Variants in WNT7B observed in about 807,000 individuals in gnomAD.
WNT7B encodes the protein Wnt family member 7B.
In WNT7B, 19 loss-of-function variants were observed where a neutral mutation model predicts 38.2. The observed-to-expected ratio is 0.50, with a 90% CI of 0.35 to 0.73. The LOEUF (loss-of-function observed/expected upper bound fraction) is 0.73, where lower values mean the gene tolerates loss of function less well. Ranked by LOEUF, WNT7B falls within the 30% of genes least tolerant of loss-of-function variation. The pLI, the probability that WNT7B is intolerant of heterozygous loss-of-function variation, is 0.01. For synonymous variants in WNT7B, 243 were observed against 209.3 expected (o/e 1.16, Z -1.39); for missense variants, 423 against 507.9 (o/e 0.83, Z 1.61).
intron 1 of WNT7B, among the ~76,000 whole-genome samples, chr22:45,957,405 C>T (rs1170447837): frequency 2.0e-5 from 3 of 151,824 alleles, no homozygotes; most frequent in South Asian, 2.1e-4. Context: ...GAAAACAGGC[C>T]GGGCACGGTG....
At chr22:45,930,260 T>G (rs1931295396) in intron 3 of WNT7B, among the ~76,000 whole-genome samples, 1 of 152,230 alleles carries the variant, frequency 6.6e-6, no homozygotes, top group Non-Finnish European at 1.5e-5. Flanking sequence ...GGGCAGTGAG[T>G]GACCAGTGGC....
chr22:45,947,432 C>T (rs1931822400), intron 2 of WNT7B, among the ~76,000 whole-genome samples: 1 of 152,224 alleles, frequency 6.6e-6, no homozygotes, highest in Non-Finnish European at 1.5e-5. Flanking sequence ...GGAAATGATA[C>T]CAGGTTTCTG....
At chr22:45,943,279 G>A (rs1931711570) in intron 2 of WNT7B, among the ~76,000 whole-genome samples, 1 of 152,212 alleles carries the variant, frequency 6.6e-6, no homozygotes, top group Admixed American at 6.5e-5. Context: ...TCCACACTAA[G>A]CTCTTCCCTG....
At chr22:45,928,459 G>C (rs1388574821) in intron 3 of WNT7B, among the ~76,000 whole-genome samples, 1 of 152,194 alleles carries the variant, frequency 6.6e-6, no homozygotes, top group Non-Finnish European at 1.5e-5. Context: ...CAGATGAGGA[G>C]GTCAAGGCTC....
intron 2 of WNT7B, among the ~76,000 whole-genome samples, chr22:45,942,365 G>A (rs1425080594): frequency 6.6e-6 from 1 of 152,250 alleles, no homozygotes; most frequent in Non-Finnish European, 1.5e-5. Context: ...CCTAGCCAGG[G>A]CTCAGTCCCA....
intron 2 of WNT7B, among the ~76,000 whole-genome samples, chr22:45,938,192 A>C (rs2146720729): frequency 6.6e-6 from 1 of 152,330 alleles, no homozygotes; most frequent in South Asian, 2.1e-4. Flanking sequence ...TCATCATGTG[A>C]AGTAAAAGAA....
intron 1 of WNT7B, among the ~76,000 whole-genome samples, chr22:45,955,054 G>C (rs76084915): frequency 8.2e-4 from 125 of 152,360 alleles, no homozygotes; most frequent in African/African-American, 2.9e-3. Flanking sequence ...CACTGTGTCG[G>C]CTTTTCATTC....
intron 3 of WNT7B, among the ~76,000 whole-genome samples, chr22:45,930,150 C>T (rs1206997851): frequency 6.6e-6 from 1 of 152,254 alleles, no homozygotes; most frequent in Admixed American, 6.5e-5. Context: ...CCTCACCGTC[C>T]TGGGTGTGAC....
At chr22:45,946,800 C>G (rs1480712788) in intron 2 of WNT7B, among the ~76,000 whole-genome samples, 1 of 152,204 alleles carries the variant, frequency 6.6e-6, no homozygotes, top group Non-Finnish European at 1.5e-5. Context: ...AGCACCCACA[C>G]CAGGTGATGG....
intron 1 of WNT7B, among the ~76,000 whole-genome samples, chr22:45,953,161 CG>C (rs66476447): frequency 6.4e-3 from 348 of 54,156 alleles, no homozygotes; most frequent in Middle Eastern, 0.011. Context: ...CCACCGTGTC[CG>C]TGCCCGGCTT....
chr22:45,929,830 AC>A (rs1569111443), intron 3 of WNT7B, among the ~76,000 whole-genome samples: 3 of 146,744 alleles, frequency 2.0e-5, no homozygotes, highest in African/African-American at 7.8e-5. Context: ...CTTCCCATGC[AC>A]TCTTCTATAC....
chr22:45,926,686 C>A (rs564256643), intron 3 of WNT7B: 1 of 981,020 alleles, frequency 1.0e-6, no homozygotes, highest in Non-Finnish European at 1.2e-6. Context: ...CCATGCTGGC[C>A]GGTCCCTGCC....
At chr22:45,932,009 T>C (rs1931378989) in intron 2 of WNT7B, among the ~76,000 whole-genome samples, 1 of 152,086 alleles carries the variant, frequency 6.6e-6, no homozygotes, top group Non-Finnish European at 1.5e-5. Context: ...CTCGGCCCAT[T>C]TTCCTCACTT....
In WNT7B at chr22:45,975,695, G is replaced by C. The variant is rs1932535334; in HGVS notation, c.71+989C>G. On this transcript the variant is annotated intron_variant, in intron 1 of 3. Coordinates refer to ENST00000339464, the MANE Select transcript of WNT7B (RefSeq NM_058238.3). This position sits in a 1 kb window ranked among gnomAD's most constrained non-coding sequence, Gnocchi z 6.6. ...GGGTCTGTTCACCGCCTTGCCTGTGGCCTGGACGGGGCTCGCCTCGGGGCA... is the reference window on the plus strand; with the variant it reads ...GGGTCTGTTCACCGCCTTGCCTGTGCCCTGGACGGGGCTCGCCTCGGGGCA... 1.5e-5 allele frequency: 9 copies of C among 598,456 alleles called. No homozygotes were observed. The South Asian group carries it at 1.8e-4, about 12-fold the overall frequency. The allele number at this position is 598,456 out of a possible 1,614,324, so 37.1% of individuals were successfully genotyped here. A position where few individuals can be genotyped will look rare whatever the true frequency, so the allele number is the denominator to read the frequency against.
intron 1 of WNT7B, among the ~76,000 whole-genome samples, chr22:45,964,583 G>A (rs554383884): frequency 5.3e-5 from 8 of 152,226 alleles, no homozygotes; most frequent in East Asian, 3.9e-4. Flanking sequence ...GACCTGAGTC[G>A]GGGAGCCTGG....
At chr22:45,931,484 G>A (rs1931357831) in intron 2 of WNT7B, 115 bp from the exon 3 acceptor site, 5 of 1,261,502 alleles carry the variant, frequency 4.0e-6, no homozygotes, top group East Asian at 5.1e-5. Context: ...GTGACCCTGG[G>A]CTCATCGCTC....
chr22:45,956,377 C>G (rs931526899), intron 1 of WNT7B, among the ~76,000 whole-genome samples: 5 of 152,214 alleles, frequency 3.3e-5, no homozygotes, highest in African/African-American at 1.2e-4. Context: ...CATTACTGAC[C>G]TCATTCACTA....
intron 2 of WNT7B, among the ~76,000 whole-genome samples, chr22:45,941,704 C>T (rs1279403905): frequency 2.0e-5 from 3 of 152,030 alleles, no homozygotes; most frequent in African/African-American, 7.2e-5. Flanking sequence ...CAAGCCTGGC[C>T]CCGCGAAGAT....
intron 2 of WNT7B, among the ~76,000 whole-genome samples, chr22:45,937,767 T>C (rs1182916866): frequency 6.6e-6 from 1 of 152,240 alleles, no homozygotes. Flanking sequence ...AGCAGCACTT[T>C]GGAAGGCTGA....
Sources: allele counts gnomAD v4.1 joint callset (sites outside exome capture counted in the v4.1 genomes callset), GRCh38; gene constraint gnomAD v4.1.1; non-coding constraint Gnocchi (gnomAD v3.1); transcripts MANE v1.5; gene names NCBI Gene and HGNC (gene_info 2026-07-23, HGNC 2026-07-21).